DGUOK: variants seen among roughly 807,000 people sequenced by gnomAD.
DGUOK encodes the protein deoxyguanosine kinase.
Under a neutral mutation model 36.6 loss-of-function variants are expected in DGUOK, and 30 were observed. The ratio of observed to expected loss-of-function variants is 0.82; its 90% CI spans 0.61 to 1.11. The LOEUF is 1.11. Among genes scored for constraint, DGUOK ranks in the 50% most tolerant of loss-of-function variants. The probability of loss-of-function intolerance (pLI) is 0.00; values close to 1 mark genes in which losing one functional copy is unlikely to be tolerated. For synonymous variants in DGUOK, 145 were observed against 126.3 expected, an observed-to-expected ratio of 1.15 and a Z score of -0.99; for missense variants, 361 against 336.4, an observed-to-expected ratio of 1.07 and a Z score of -0.57.
intron 1 of DGUOK, among the ~76,000 whole-genome samples, chr2:73,936,956 G>T (rs1681511816): frequency 6.6e-6 from 1 of 152,208 alleles, no homozygotes; most frequent in Non-Finnish European, 1.5e-5. Context: ...CTTGAGGATT[G>T]AGTAAGAGTT....
At position 73,958,709 on chromosome 2, in the gene DGUOK, G is replaced by C; in HGVS notation, c.808-1G>C. The C allele has an allele frequency of 1.2e-6, 2 of 1,611,384 alleles. No homozygotes were observed. The highest frequency in any genetic ancestry group is 1.7e-6 in the Non-Finnish European group (2 of 1,177,498). ...AACTTCTGATTTTCTCCTTCCCACA[G>C]GTAAACACCTTTGTAAAGAATCTGT... On this transcript the variant is annotated splice_acceptor_variant, in intron 6 of 6. Coordinates refer to ENST00000264093, the MANE Select transcript of DGUOK (RefSeq NM_080916.3). LOFTEE classifies it high-confidence loss of function.
At chr2:73,937,577 G>C (rs1259129753) in intron 1 of DGUOK, among the ~76,000 whole-genome samples, 1 of 152,226 alleles carries the variant, frequency 6.6e-6, no homozygotes, top group Non-Finnish European at 1.5e-5. Flanking sequence ...ACTTCTGTCA[G>C]TGAGTGGATG....
chr2:73,930,927 C>G (rs1209936305), intron 1 of DGUOK, among the ~76,000 whole-genome samples: 2 of 151,060 alleles, frequency 1.3e-5, no homozygotes, highest in African/African-American at 2.4e-5. Flanking sequence ...TCCCAAGTAG[C>G]TGGGACTACA....
chr2:73,950,557 T>C (rs1345754693), intron 3 of DGUOK, 28 bp from the exon 4 acceptor site: 4 of 1,613,566 alleles, frequency 2.5e-6, no homozygotes, highest in Non-Finnish European at 3.4e-6. Flanking sequence ...TCTCCTGCCC[T>C]CCCCATTCCC....
intron 1 of DGUOK, among the ~76,000 whole-genome samples, chr2:73,929,115 C>T (rs1461928620): frequency 6.6e-6 from 1 of 152,154 alleles, no homozygotes; most frequent in Admixed American, 6.5e-5. Context: ...CTCCCCTCCC[C>T]TCGCTTCCCC....
intron 5 of DGUOK, 33 bp from the exon 6 acceptor site, chr2:73,958,113 T>C: frequency 6.4e-7 from 1 of 1,568,314 alleles, no homozygotes; most frequent in South Asian, 1.1e-5. Context: ...CATTTCTTTT[T>C]TTCTGTCCCC....
At position 73,946,705 on chromosome 2, in the gene DGUOK, T is replaced by C; in HGVS notation, c.256-14T>C. On this transcript the variant is annotated splice_polypyrimidine_tract_variant and intron_variant, in intron 2 of 6. Coordinates refer to ENST00000264093, the MANE Select transcript of DGUOK (RefSeq NM_080916.3). Reference sequence around the variant, plus strand: ...TTTCTAGGAAATTTTCTTCTTTTTTTCATCTCCCTCTAGGCCTGCACTGCC... The same window carrying C: ...TTTCTAGGAAATTTTCTTCTTTTTTCCATCTCCCTCTAGGCCTGCACTGCC... 5.0e-6 allele frequency: 8 copies of C among 1,614,008 alleles called. No homozygotes were observed. The highest frequency in any genetic ancestry group is 5.9e-6 in the Non-Finnish European group (7 of 1,179,902).
At position 73,926,930 on chromosome 2, in the gene DGUOK, T is replaced by C. The variant is rs763189469; in HGVS notation, c.20T>C (p.Phe7Ser). MAAGRL[F>S]LSRLRAPFSS... ...GGTGGGATGGCCGCGGGCCGCCTCTTTCTAAGTCGGCTTCGAGCACCCTTC... is the reference window on the plus strand; with the variant it reads ...GGTGGGATGGCCGCGGGCCGCCTCTCTCTAAGTCGGCTTCGAGCACCCTTC... The change falls in exon 1 of 7, where the codon TTT (phenylalanine) becomes TCT (serine). Residue 7 changes from phenylalanine (F) to serine (S), a missense_variant. Physicochemically the swap from Phe to Ser is radical, Grantham distance 155 (BLOSUM62 -2). Coordinates refer to ENST00000264093, the MANE Select transcript of DGUOK (RefSeq NM_080916.3). 5.6e-6 allele frequency: 9 copies of C among 1,613,462 alleles called. No homozygotes were observed. Among genetic ancestry groups the C allele is most frequent in the Admixed American group, 1.7e-5 (1 of 60,014 alleles).
At position 73,950,736 on chromosome 2, in the gene DGUOK, A is replaced by G; in HGVS notation, c.591+4A>G. On this transcript the variant is annotated splice_donor_region_variant and intron_variant, in intron 4 of 6. Transcript: ENST00000264093. Reference sequence around the variant, plus strand: ...CTACCTCCAGGCTTCTCCCCAGGTAACACTGAACCTACAACCTTAGACTTT... The same window carrying G: ...CTACCTCCAGGCTTCTCCCCAGGTAGCACTGAACCTACAACCTTAGACTTT... The G allele has an allele frequency of 6.2e-7, 1 of 1,614,176 alleles. No individual in the cohort carries two copies. The highest frequency in any genetic ancestry group is 8.5e-7 in the Non-Finnish European group (1 of 1,180,032).
intron 1 of DGUOK, among the ~76,000 whole-genome samples, chr2:73,938,362 G>T (rs544315418): frequency 6.6e-6 from 1 of 152,222 alleles, no homozygotes; most frequent in African/African-American, 2.4e-5. Context: ...GTAGTTAATT[G>T]TGCGTTTGTA....
chr2:73,927,091 CCA>C (rs755704193), intron 1 of DGUOK, 39 bp downstream of exon 1: 1 of 1,602,882 alleles, frequency 6.2e-7, no homozygotes, highest in Admixed American at 1.7e-5. Flanking sequence ...TTGGCCTCCG[CCA>C]CGCAGGCGAC....
At position 73,957,160 on chromosome 2, in the gene DGUOK, G is replaced by A. The variant is rs138703428; in HGVS notation, c.627G>A (p.Glu209=). ...AGAGACTGTACCAGAGGGCCAGGGA[G>A]GAGGAGAAAGGAATTGAGCTGGCCT... ...CLKRLYQRAR[E]EEKGIELAYL... Residue 209 remains glutamate (E), a synonymous_variant, in exon 5 of 7, where the codon GAG becomes GAA. Transcript: ENST00000264093. The A allele has an allele frequency of 1.2e-5, 19 of 1,614,162 alleles. No homozygotes were observed. The African/African-American group carries it at 2.1e-4, about 18-fold the overall frequency.
At chr2:73,953,240 C>G (rs1682822859) in intron 4 of DGUOK, among the ~76,000 whole-genome samples, 1 of 150,810 alleles carries the variant, frequency 6.6e-6, no homozygotes, top group African/African-American at 2.4e-5. Flanking sequence ...TGGGGGGATA[C>G]ACTCAAACCA....
chr2:73,958,894 C>A lies in DGUOK; in HGVS notation c.*158C>A. 1 of 667,554 alleles carries A rather than the reference C, an allele frequency of 1.5e-6. No individual in the cohort carries two copies. The allele number at this position is 667,554 out of a possible 1,614,324, so 41.4% of individuals were successfully genotyped here. Reference sequence around the variant, plus strand: ...TTTGTTAATTATTGTTAGACTTTGCCATTGTTTTCTTTTGTACCTGAAGCA... The same window carrying A: ...TTTGTTAATTATTGTTAGACTTTGCAATTGTTTTCTTTTGTACCTGAAGCA... On this transcript the variant is annotated 3_prime_UTR_variant, in exon 7 of 7. Transcript: ENST00000264093.
intron 2 of DGUOK, among the ~76,000 whole-genome samples, chr2:73,942,323 T>TA (rs1221286566): frequency 6.6e-6 from 1 of 152,232 alleles, no homozygotes; most frequent in Non-Finnish European, 1.5e-5. Context: ...CCTTTGATGT[T>TA]AAAATTGTAG....
intron 1 of DGUOK, among the ~76,000 whole-genome samples, chr2:73,938,191 T>A (rs750299381): frequency 6.6e-6 from 1 of 152,206 alleles, no homozygotes; most frequent in South Asian, 2.1e-4. Flanking sequence ...TGTCAAGTTC[T>A]TTCTCTCTTT....
chr2:73,945,528 C>T (rs916815208), intron 2 of DGUOK, among the ~76,000 whole-genome samples: 4 of 152,166 alleles, frequency 2.6e-5, no homozygotes, highest in African/African-American at 9.7e-5. Context: ...GGCATTACAA[C>T]AGTACCTACC....
chr2:73,929,795 A>G (rs1014373713), intron 1 of DGUOK, among the ~76,000 whole-genome samples: 3 of 152,148 alleles, frequency 2.0e-5, no homozygotes, highest in Admixed American at 1.3e-4. Context: ...GTGAAAGCCT[A>G]ATTGGTATAG....
chr2:73,948,382 A>G (rs1432999917), intron 3 of DGUOK, among the ~76,000 whole-genome samples: 3 of 152,252 alleles, frequency 2.0e-5, no homozygotes, highest in Admixed American at 1.3e-4. Context: ...GGAAGAGGTA[A>G]TAATTGATTA....
Sources: gnomAD v4.1 joint callset for allele counts (sites outside exome capture counted in the v4.1 genomes callset) on GRCh38, gnomAD v4.1.1 for gene constraint, MANE v1.5 for transcripts, NCBI Gene and HGNC (gene_info 2026-07-23, HGNC 2026-07-21) for gene names.